Variants in RALGDS observed in about 807,000 individuals in gnomAD.
The protein encoded by RALGDS is ral guanine nucleotide exchange factor.
RALGDS carries 44 observed loss-of-function variants against 99.8 expected under a neutral mutation model. That is an observed-to-expected ratio of 0.44 (90% CI 0.35 to 0.57). The LOEUF (loss-of-function observed/expected upper bound fraction) is 0.57, where lower values mean the gene tolerates loss of function less well. Among genes scored for constraint, RALGDS ranks in the 20% least tolerant of loss-of-function variants. The pLI, the probability that RALGDS is intolerant of heterozygous loss-of-function variation, is 0.01. For synonymous variants in RALGDS, 529 were observed against 505.0 expected (o/e 1.05, Z -0.64); for missense variants, 1,022 against 1,203.1 (o/e 0.85, Z 2.23).
chr9:133,129,310 C>T, intron 1 of RALGDS: 1 of 1,587,240 alleles, frequency 6.3e-7, no homozygotes, highest in Non-Finnish European at 8.5e-7. Context: ...GGCCTGCTTC[C>T]CGGGCCATGG....
intron 1 of RALGDS, among the ~76,000 whole-genome samples, chr9:133,148,785 C>A (rs1402269974): frequency 6.6e-6 from 1 of 152,208 alleles, no homozygotes; most frequent in Non-Finnish European, 1.5e-5. Context: ...CGGGCGAGTC[C>A]CTGCCCCTCT....
chr9:133,113,349 C>A (rs1232334062), intron 1 of RALGDS, among the ~76,000 whole-genome samples: 1 of 152,180 alleles, frequency 6.6e-6, no homozygotes, highest in Non-Finnish European at 1.5e-5. Flanking sequence ...GGGACCCTGG[C>A]CTCCTGCCTC....
chr9:133,145,597 G>A (rs1832610908), intron 1 of RALGDS, among the ~76,000 whole-genome samples: 2 of 152,198 alleles, frequency 1.3e-5, no homozygotes, highest in Admixed American at 1.3e-4. Flanking sequence ...GCACTTCCAG[G>A]TACTCACAGC....
chr9:133,108,366 G>A lies in RALGDS; in HGVS notation c.819C>T (p.Leu273=), dbSNP rs962705575. The A allele has an allele frequency of 8.0e-5, 123 of 1,538,086 alleles. No homozygotes were observed. Among genetic ancestry groups the A allele is most frequent in the Non-Finnish European group, 9.3e-5 (107 of 1,146,928 alleles). ...CTCGAGCTGGTGTTAGAGCTAGCTC[G>A]AGCTCTGGAGTTGGTTTTAGAGCTG... ...PVPALKPTPE[L]ELALTPARAP... Residue 273 remains leucine, a synonymous_variant, in exon 6 of 18, where the codon CTC becomes CTT. Transcript: ENST00000372050.
rs1831375393 is a variant in RALGDS at position 133,112,070 on chromosome 9, C to A, written c.266G>T (p.Gly89Val). 2 of 1,584,718 alleles carry A rather than the reference C, an allele frequency of 1.3e-6. No individual in the cohort carries two copies. ...GAGCCAGCGCTGCCCCTTGTTGCCT[C>A]CGTGGTGCAGCTGCACCTTGCGCAG... ...ISLRKVQLHH[G>V]GNKGQRWLGY... Residue 89 changes from glycine (G) to valine (V), a missense_variant, in exon 2 of 18, where the codon GGA (glycine) becomes GTA (valine). Transcript: ENST00000372050.
chr9:133,105,562 C>T (rs1013804137), intron 9 of RALGDS, among the ~76,000 whole-genome samples: 4 of 152,186 alleles, frequency 2.6e-5, no homozygotes, highest in African/African-American at 7.2e-5. Context: ...CCTGGCCTCC[C>T]GGGGACAGAC....
At chr9:133,115,601 C>T (rs1413695449) in intron 1 of RALGDS, among the ~76,000 whole-genome samples, 1 of 152,182 alleles carries the variant, frequency 6.6e-6, no homozygotes, top group East Asian at 1.9e-4. Context: ...CTTGGTGTGT[C>T]ATCTGGGGAG....
chr9:133,119,989 C>T (rs1259519865), intron 1 of RALGDS, among the ~76,000 whole-genome samples: 4 of 152,198 alleles, frequency 2.6e-5, no homozygotes, highest in African/African-American at 4.8e-5. Context: ...CGATGCCGCA[C>T]GGGGACTCAG....
rs753949912 is a variant in RALGDS at position 133,106,767 on chromosome 9, G to A, written c.1414-19C>T. On this transcript the variant is annotated intron_variant, in intron 7 of 17. Coordinates refer to ENST00000372050, the MANE Select transcript of RALGDS (RefSeq NM_006266.4). ...GGCACTCCTGGGGCGGGAAGAGCAG[G>A]AGGCATGAGGTGGGGCTGGAGCTCC... is the stretch of plus-strand genomic sequence containing the variant. The A allele has an allele frequency of 1.3e-6, 2 of 1,571,484 alleles. No homozygotes were observed. Among genetic ancestry groups the A allele is most frequent in the South Asian group, 1.1e-5 (1 of 88,956 alleles).
rs1026797027 is a variant in RALGDS, at chr9:133,100,841, A to C, written c.2455-459T>G. 7.5e-6 allele frequency: 8 copies of C among 1,067,402 alleles called. No individual in the cohort carries two copies. The South Asian group carries it at 2.4e-4, about 32-fold the overall frequency. The allele number at this position is 1,067,402 out of a possible 1,614,324, so 66.1% of individuals were successfully genotyped here. ...ACCCTGAGGGCCAGAGCACAGGCGG[A>C]ACTCGGACATAGGGCCACAGGTGAC... On this transcript the variant is annotated intron_variant, in intron 16 of 17. Coordinates refer to ENST00000372050, the MANE Select transcript of RALGDS (RefSeq NM_006266.4).
At chr9:133,112,251 GCA>G in intron 1 of RALGDS, 99 bp from the exon 2 acceptor site, 1 of 785,054 alleles carries the variant, frequency 1.3e-6, no homozygotes, top group Non-Finnish European at 2.2e-6. Flanking sequence ...CCCAGATAGG[GCA>G]CAGACTGGCG....
At chr9:133,136,380 G>A (rs1417738966) in intron 1 of RALGDS, among the ~76,000 whole-genome samples, 1 of 152,214 alleles carries the variant, frequency 6.6e-6, no homozygotes, top group East Asian at 1.9e-4. Context: ...GCTCACGCCT[G>A]TAATCCCAGC....
At chr9:133,141,445 C>T (rs1359439628) in intron 1 of RALGDS, among the ~76,000 whole-genome samples, 2 of 101,716 alleles carry the variant, frequency 2.0e-5, no homozygotes, top group Non-Finnish European at 4.6e-5. Flanking sequence ...AAGGCAGCCC[C>T]TATGGGAGCC....
intron 1 of RALGDS, among the ~76,000 whole-genome samples, chr9:133,142,032 G>A (rs1235194941): frequency 6.6e-6 from 1 of 152,212 alleles, no homozygotes; most frequent in Non-Finnish European, 1.5e-5. Context: ...CCATCGCTGT[G>A]CTTTCTGACC....
At chr9:133,110,266 C>T (rs1831279836) in intron 3 of RALGDS, 30 bp downstream of exon 3, 5 of 1,602,314 alleles carry the variant, frequency 3.1e-6, no homozygotes, top group Admixed American at 1.7e-5. Flanking sequence ...GGCCCCTGTG[C>T]ACCCTGTGCA....
intron 1 of RALGDS, among the ~76,000 whole-genome samples, chr9:133,112,703 G>T (rs962963890): frequency 1.7e-4 from 26 of 152,300 alleles, no homozygotes; most frequent in African/African-American, 6.3e-4. Flanking sequence ...GGCTGACCTA[G>T]CAGGAACGCA....
At chr9:133,101,375 CCTT>C (rs1222833867) in intron 16 of RALGDS, 142 bp downstream of exon 16, 4 of 1,548,868 alleles carry the variant, frequency 2.6e-6, no homozygotes, top group East Asian at 4.5e-5. Context: ...CTGATCACTA[CCTT>C]CTTCATTTCT....
chr9:133,139,339 A>C (rs1418156338), intron 1 of RALGDS, among the ~76,000 whole-genome samples: 1 of 152,214 alleles, frequency 6.6e-6, no homozygotes, highest in Non-Finnish European at 1.5e-5. Flanking sequence ...CCCCGACCCC[A>C]GAAGCTGGGA....
At chr9:133,131,199 C>A (rs904129037), upstream of RALGDS, 76 of 1,374,952 alleles carry the variant, frequency 5.5e-5, no homozygotes, top group Middle Eastern at 2.7e-4. Flanking sequence ...CCTTAGGGGA[C>A]CCAGCTGAGC....
Sources: gnomAD v4.1 joint callset for allele counts (sites outside exome capture counted in the v4.1 genomes callset) on GRCh38, gnomAD v4.1.1 for gene constraint, MANE v1.5 for transcripts, NCBI Gene and HGNC (gene_info 2026-07-23, HGNC 2026-07-21) for gene names.